COL27A1: variants seen among roughly 807,000 people sequenced by gnomAD.
COL27A1 encodes collagen type XXVII alpha 1 chain.
A neutral mutation model predicts 251.3 loss-of-function variants in COL27A1; 106 were observed. That is an observed-to-expected ratio of 0.42 (90% CI 0.36 to 0.50). The LOEUF is 0.50. Among genes scored for constraint, COL27A1 ranks in the 20% least tolerant of loss-of-function variants. COL27A1 has a pLI of 0.00. For synonymous variants in COL27A1, 1,000 were observed against 986.3 expected (o/e 1.01, Z -0.26); for missense variants, 2,325 against 2,522.8 (o/e 0.92, Z 1.68).
At chr9:114,212,682 G>T (rs1350156886) in intron 12 of COL27A1, among the ~76,000 whole-genome samples, 1 of 152,206 alleles carries the variant, frequency 6.6e-6, no homozygotes, top group East Asian at 1.9e-4. Context: ...GAGCAGGCTT[G>T]GTTCAAATTT....
At chr9:114,283,666 G>A in intron 39 of COL27A1, 43 bp from the exon 40 acceptor site, 1 of 1,591,402 alleles carries the variant, frequency 6.3e-7, no homozygotes, top group Non-Finnish European at 8.6e-7. Flanking sequence ...TCCCCGCTGT[G>A]AGAGCCACAC....
At chr9:114,280,963 A>G (rs181842387) in intron 37 of COL27A1, among the ~76,000 whole-genome samples, 1 of 152,330 alleles carries the variant, frequency 6.6e-6, no homozygotes, top group East Asian at 1.9e-4. Context: ...GCAGACAGGA[A>G]CCAAGTCCTC....
At position 114,252,899 on chromosome 9, in the gene COL27A1, T is replaced by C; in HGVS notation, c.3108T>C (p.Gly1036=). The C allele has an allele frequency of 1.2e-6, 2 of 1,613,806 alleles. No individual in the cohort carries two copies. Among genetic ancestry groups the C allele is most frequent in the Non-Finnish European group, 1.7e-6 (2 of 1,179,854 alleles). ...KGSMGHPGMP[G]GMGTPGEPGP... The stretch of plus-strand genomic sequence containing the variant: ...GGCAGGGTCATCCTGGAATGCCAGG[T>C]GGTATGGGGACCCCTGGAGAGCCTG... Residue 1036 remains glycine, a synonymous_variant, in exon 27 of 61, where the codon GGT becomes GGC. Transcript: ENST00000356083.
At chr9:114,162,606 A>G (rs753072985) in intron 1 of COL27A1, 109 bp from the exon 2 acceptor site, 18 of 762,650 alleles carry the variant, frequency 2.4e-5, no homozygotes, top group Admixed American at 4.1e-5. Context: ...TCCCGTGGGC[A>G]GGACTGGGGT....
intron 23 of COL27A1, among the ~76,000 whole-genome samples, chr9:114,245,186 G>A (rs1367113214): frequency 3.3e-5 from 4 of 121,582 alleles, no homozygotes; most frequent in Admixed American, 1.1e-4. Flanking sequence ...TGACAGTCTC[G>A]CTCTTGTCAC....
chr9:114,219,032 A>G (rs976910102), intron 12 of COL27A1, among the ~76,000 whole-genome samples: 6 of 151,892 alleles, frequency 4.0e-5, no homozygotes, highest in Admixed American at 3.9e-4. Context: ...GTTTCCCCCA[A>G]CTCCAAGCTT....
In COL27A1 at chr9:114,290,346, G is replaced by C. The variant is rs1827829749; in HGVS notation, c.4368+15G>C. 1.2e-5 allele frequency: 18 copies of C among 1,558,088 alleles called. No individual in the cohort carries two copies. Among genetic ancestry groups the C allele is most frequent in the Non-Finnish European group, 1.6e-5 (18 of 1,148,240 alleles). Reference sequence around the variant, plus strand: ...CAGGACAGCAGGTGAGCGGGAATTGGCATTAACAGATGGTGGCTCCATTTG... The same window carrying C: ...CAGGACAGCAGGTGAGCGGGAATTGCCATTAACAGATGGTGGCTCCATTTG... On this transcript the variant is annotated intron_variant, in intron 47 of 60. Coordinates refer to ENST00000356083, the MANE Select transcript of COL27A1 (RefSeq NM_032888.4). This position sits in a 1 kb window ranked among gnomAD's most constrained non-coding sequence, Gnocchi z 4.6.
At chr9:114,229,565 C>T (rs7045701) in intron 14 of COL27A1, among the ~76,000 whole-genome samples, 5,593 of 152,256 alleles carry the variant, frequency 0.037, 305 homozygotes, top group African/African-American at 0.12. Context: ...CACCTCAGAG[C>T]ACTTGCCAGG....
At chr9:114,302,289 G>T (rs1403647290) in intron 56 of COL27A1, among the ~76,000 whole-genome samples, 181 bp downstream of exon 56, 4 of 152,188 alleles carry the variant, frequency 2.6e-5, no homozygotes, top group Non-Finnish European at 5.9e-5. Flanking sequence ...CGAGCCCTGG[G>T]CCAGGAGGCA....
chr9:114,216,788 G>A (rs1365175048), intron 12 of COL27A1, among the ~76,000 whole-genome samples: 1 of 152,094 alleles, frequency 6.6e-6, no homozygotes, highest in African/African-American at 2.4e-5. Context: ...GATGGAGACA[G>A]GGGTTGACTC....
intron 33 of COL27A1, among the ~76,000 whole-genome samples, chr9:114,266,895 T>A (rs1834782699): frequency 1.3e-5 from 2 of 152,122 alleles, no homozygotes; most frequent in Admixed American, 6.5e-5. Context: ...TCTTTGGGCA[T>A]CACTGGAAGC....
rs778337016 is a variant in COL27A1 at position 114,169,115 on chromosome 9, A to T, written c.1560A>T (p.Ala520=). The T allele has an allele frequency of 6.2e-7, 1 of 1,613,790 alleles. No individual in the cohort carries two copies. Among genetic ancestry groups the T allele is most frequent in the Admixed American group, 1.7e-5 (1 of 59,990 alleles). ...PTSGTSTPRT[A]PAVPTPGSAP... ...CGGGCACCAGCACTCCCAGAACAGC[A>T]CCTGCCGTCCCCACTCCTGGCTCAG... is the stretch of plus-strand genomic sequence containing the variant. The change falls in exon 3 of 61, where the codon GCA becomes GCT. Residue 520 remains alanine, a synonymous_variant. Coordinates refer to ENST00000356083, the MANE Select transcript of COL27A1 (RefSeq NM_032888.4).
At chr9:114,235,522 C>T (rs988544743) in intron 16 of COL27A1, 77 bp from the exon 17 acceptor site, 60 of 1,112,240 alleles carry the variant, frequency 5.4e-5, no homozygotes, top group African/African-American at 3.5e-4. Flanking sequence ...AGCTGTACCT[C>T]GCCAGGGGGT....
intron 39 of COL27A1, 59 bp from the exon 40 acceptor site, chr9:114,283,650 G>A: frequency 6.6e-7 from 1 of 1,516,778 alleles, no homozygotes; most frequent in Non-Finnish European, 9.1e-7. Context: ...CAGGGAGACT[G>A]CTGTGTCCCC....
In COL27A1 at chr9:114,311,321, A is replaced by G. The variant is rs1017192143; in HGVS notation, c.*626A>G. On this transcript the variant is annotated 3_prime_UTR_variant, in exon 61 of 61. Coordinates refer to ENST00000356083, the MANE Select transcript of COL27A1 (RefSeq NM_032888.4). ...TCGCTGGTGCTCACAATTGTCTCTCACAGTGTATGTGATTTTTTTAAGGAA... is the reference window on the plus strand; with the variant it reads ...TCGCTGGTGCTCACAATTGTCTCTCGCAGTGTATGTGATTTTTTTAAGGAA... The G allele has an allele frequency of 1.4e-5, 2 of 146,284 alleles. No individual in the cohort carries two copies. Among genetic ancestry groups the G allele is most frequent in the African/African-American group, 5.1e-5 (2 of 38,854 alleles). 9.1% of individuals were successfully genotyped at this position (146,284 alleles called of 1,614,324 possible).
intron 8 of COL27A1, 46 bp downstream of exon 8, chr9:114,205,192 C>A (rs1164030594): frequency 1.3e-6 from 2 of 1,558,628 alleles, no homozygotes; most frequent in East Asian, 4.5e-5. Context: ...CTCCCTCCTC[C>A]CAGCCCCTAC....
intron 12 of COL27A1, among the ~76,000 whole-genome samples, chr9:114,213,663 A>T (rs923583826): frequency 1.3e-5 from 2 of 152,220 alleles, no homozygotes; most frequent in African/African-American, 4.8e-5. Context: ...AAGTGAAAGG[A>T]AGCAACGAGT....
At chr9:114,262,326 C>T (rs865969214) in intron 28 of COL27A1, among the ~76,000 whole-genome samples, 47 of 152,352 alleles carry the variant, frequency 3.1e-4, no homozygotes. Flanking sequence ...CAACAGGCTA[C>T]GGCTAGCACC....
chr9:114,172,325 A>G (rs1849377201), intron 3 of COL27A1, among the ~76,000 whole-genome samples: 1 of 152,180 alleles, frequency 6.6e-6, no homozygotes, highest in Non-Finnish European at 1.5e-5. Flanking sequence ...CCAGCTGCCC[A>G]GGAGAAGAGC....
Sources: gnomAD v4.1 joint callset for allele counts (sites outside exome capture counted in the v4.1 genomes callset) on GRCh38, gnomAD v4.1.1 for gene constraint, Gnocchi (gnomAD v3.1) non-coding constraint, MANE v1.5 for transcripts, NCBI Gene and HGNC (gene_info 2026-07-23, HGNC 2026-07-21) for gene names.